MRPS14: variants seen among roughly 807,000 people sequenced by gnomAD.
MRPS14 encodes small ribosomal subunit protein uS14m.
MRPS14 carries 14 observed loss-of-function variants against 16.4 expected under a neutral mutation model. That is an observed-to-expected ratio of 0.85 (90% CI 0.56 to 1.33). The LOEUF (loss-of-function observed/expected upper bound fraction) is 1.33, where lower values mean the gene tolerates loss of function less well. Among genes scored for constraint, MRPS14 ranks in the 40% most tolerant of loss-of-function variants. MRPS14 has a pLI of 0.00. For missense variants in MRPS14, 162 were observed against 176.8 expected (o/e 0.92, Z 0.48); for synonymous variants, 54 against 61.9 (o/e 0.87, Z 0.60).
Position 175,013,167 on chromosome 1 carries a change from C to A in MRPS14, c.*1502G>T, listed in dbSNP as rs1452139791. 1.3e-5 allele frequency: 2 copies of A among 152,098 alleles called. No individual in the cohort carries two copies. The highest frequency in any genetic ancestry group is 2.9e-5 in the Non-Finnish European group (2 of 68,014). The allele number at this position is 152,098 out of a possible 1,614,324, so 9.4% of individuals were successfully genotyped here. ...TCATACATATTTAAGAAATATGAAT[C>A]CAAACTAGATTGTGATAATTCCCTC... On this transcript the variant is annotated 3_prime_UTR_variant, in exon 3 of 3. Coordinates refer to ENST00000476371, the MANE Select transcript of MRPS14 (RefSeq NM_022100.3).
intron 1 of MRPS14, among the ~76,000 whole-genome samples, chr1:175,020,364 A>G (rs1227459296): frequency 1.3e-5 from 2 of 152,254 alleles, no homozygotes; most frequent in East Asian, 3.8e-4. Context: ...GGAGATTTAG[A>G]AAACAAGATT....
At chr1:175,021,200 T>A (rs919233661) in intron 1 of MRPS14, among the ~76,000 whole-genome samples, 2 of 152,182 alleles carry the variant, frequency 1.3e-5, no homozygotes, top group African/African-American at 4.8e-5. Flanking sequence ...TTGGGCTTAC[T>A]ACCTTCCACT....
At chr1:175,016,132 T>C (rs1339485264) in intron 2 of MRPS14, among the ~76,000 whole-genome samples, 1 of 150,448 alleles carries the variant, frequency 6.6e-6, no homozygotes, top group Admixed American at 6.6e-5. Flanking sequence ...AGGAGGCAGA[T>C]GTGGTGAGCC....
In MRPS14 at chr1:175,013,858, G is replaced by C. The variant is rs1672832120; in HGVS notation, c.*811C>G. ...AAAAAAATCTCACCCCTCACCTCCT[G>C]ATTTATTAAGTTCTCCAGGAATATT... On this transcript the variant is annotated 3_prime_UTR_variant, in exon 3 of 3. Transcript: ENST00000476371. 1 of 152,096 alleles carries C rather than the reference G, an allele frequency of 6.6e-6. No homozygotes were observed. The highest frequency in any genetic ancestry group is 1.5e-5 in the Non-Finnish European group (1 of 68,020). The allele number at this position is 152,096 out of a possible 1,614,324, so 9.4% of individuals were successfully genotyped here.
At chr1:175,014,878 A>G (rs368728449) in intron 2 of MRPS14, 27 bp from the exon 3 acceptor site, 73 of 1,599,522 alleles carry the variant, frequency 4.6e-5, no homozygotes, top group Non-Finnish European at 6.0e-5. Flanking sequence ...TATTACACAG[A>G]TCACATTACA....
rs61753789 is a variant in MRPS14 at position 175,018,514 on chromosome 1, G to A, written c.108C>T (p.Arg36=). 5.0e-4 allele frequency: 806 copies of A among 1,612,474 alleles called. 5 individuals carry two copies. In the African/African-American group the frequency reaches 9.4e-3, roughly 19 times the overall value. The change falls in exon 2 of 3, where the codon CGC becomes CGT. Residue 36 remains arginine (R), a synonymous_variant. Coordinates refer to ENST00000476371, the MANE Select transcript of MRPS14 (RefSeq NM_022100.3). ...AGGCCATTTTTCGTCTCTTCACATCGCGCCACATTCTCCAGTCTACATAGT... is the reference window on the plus strand; with the variant it reads ...AGGCCATTTTTCGTCTCTTCACATCACGCCACATTCTCCAGTCTACATAGT... ...RSHYVDWRMW[R]DVKRRKMAYE...
At position 175,014,372 on chromosome 1, in the gene MRPS14, A is replaced by G. The variant is rs1287019515; in HGVS notation, c.*297T>C. ...AATACAAAAACCCCTATATGTTACT[A>G]AAAGATTAAACTTAAAAGGAGGGTA... On this transcript the variant is annotated 3_prime_UTR_variant, in exon 3 of 3. Coordinates refer to ENST00000476371, the MANE Select transcript of MRPS14 (RefSeq NM_022100.3). 4.9e-6 allele frequency: 2 copies of G among 412,356 alleles called. No homozygotes were observed. The highest frequency in any genetic ancestry group is 8.5e-6 in the Non-Finnish European group (2 of 235,014). The allele number at this position is 412,356 out of a possible 1,614,324, so 25.5% of individuals were successfully genotyped here. A position where few individuals can be genotyped will look rare whatever the true frequency, so the allele number is the denominator to read the frequency against.
chr1:175,017,584 C>T (rs891992726), intron 2 of MRPS14, among the ~76,000 whole-genome samples: 2 of 152,132 alleles, frequency 1.3e-5, no homozygotes, highest in African/African-American at 4.8e-5. Context: ...ATTTATATCT[C>T]CCTGATGAGC....
rs761449663 is a variant in MRPS14, at chr1:175,023,386, G to T, written c.23C>A (p.Ser8Ter). 6.2e-6 allele frequency: 10 copies of T among 1,614,186 alleles called. No homozygotes were observed. The highest frequency in any genetic ancestry group is 1.1e-5 in the South Asian group (1 of 91,072). Reference protein sequence around the residue: MAAFMLGSLLRTFKQMVP... With the variant: MAAFMLG ...GACCTGCTTGAACGTCCGCAGCAGCGAGCCCAGCATGAAGGCCGCCATGTT... is the reference window on the plus strand; with the variant it reads ...GACCTGCTTGAACGTCCGCAGCAGCTAGCCCAGCATGAAGGCCGCCATGTT... Residue 8 changes from serine to a stop codon, truncating the protein, a stop_gained, in exon 1 of 3, where the codon TCG becomes TAG. Transcript: ENST00000476371. LOFTEE classifies it high-confidence loss of function.
At chr1:175,018,709 A>G in intron 1 of MRPS14, 133 bp from the exon 2 acceptor site, 1 of 726,002 alleles carries the variant, frequency 1.4e-6, no homozygotes, top group East Asian at 3.0e-5. Flanking sequence ...GATCAGTTTA[A>G]TAGTTTAAGA....
At chr1:175,018,310 T>C (rs1307693449) in intron 2 of MRPS14, 108 bp downstream of exon 2, 4 of 1,107,124 alleles carry the variant, frequency 3.6e-6, no homozygotes, top group Non-Finnish European at 5.1e-6. Context: ...GTGGATCTTA[T>C]TCTCCAGAAA....
At chr1:175,022,432 A>G (rs1029929272) in intron 1 of MRPS14, 2 of 147,056 alleles carry the variant, frequency 1.4e-5, no homozygotes, top group Non-Finnish European at 3.0e-5. Flanking sequence ...AAGACCCCAT[A>G]GCCTCTCTCT....
chr1:175,021,425 T>C (rs577219630), intron 1 of MRPS14, among the ~76,000 whole-genome samples: 12 of 152,342 alleles, frequency 7.9e-5, no homozygotes, highest in African/African-American at 2.9e-4. Flanking sequence ...AACTATTCAA[T>C]TCCATGCCCA....
intron 2 of MRPS14, among the ~76,000 whole-genome samples, chr1:175,016,670 A>C (rs569634422): frequency 6.6e-6 from 1 of 152,318 alleles, no homozygotes; most frequent in East Asian, 1.9e-4. Flanking sequence ...TATAGTTGAC[A>C]AATAAAAATT....
At position 175,014,691 on chromosome 1, in the gene MRPS14, C is replaced by T; in HGVS notation, c.365G>A (p.Gly122Glu). ...CATTTACCATGTCGCTCGCTGGATCCCAGAAAGTTGCCCATGGTCAGCTAA... is the reference window on the plus strand; with the variant it reads ...CATTTACCATGTCGCTCGCTGGATCTCAGAAAGTTGCCCATGGTCAGCTAA... ...RHLADHGQLS[G>E]IQRATW Residue 122 changes from glycine (G) to glutamate (E), a missense_variant, in exon 3 of 3, where the codon GGG becomes GAG. Transcript: ENST00000476371. 2 of 1,612,036 alleles carry T rather than the reference C, an allele frequency of 1.2e-6. No homozygotes were observed. Among genetic ancestry groups the T allele is most frequent in the Non-Finnish European group, 1.7e-6 (2 of 1,179,214 alleles).
intron 1 of MRPS14, 117 bp from the exon 2 acceptor site, chr1:175,018,693 G>GTT: frequency 1.1e-6 from 1 of 951,934 alleles, no homozygotes; most frequent in East Asian, 2.7e-5. Flanking sequence ...TTTAAGAGTT[G>GTT]TTTTAGATCA....
intron 1 of MRPS14, among the ~76,000 whole-genome samples, chr1:175,019,827 G>A (rs10465483): frequency 0.64 from 96,706 of 152,070 alleles, 32,398 homozygotes; most frequent in African/African-American, 0.85. Context: ...TGTTAATTAA[G>A]CTGCCCCTAT....
chr1:175,014,788 G>C lies in MRPS14; in HGVS notation c.268C>G (p.Arg90Gly), dbSNP rs1414068648. The change falls in exon 3 of 3, where the codon CGG (arginine) becomes GGG (glycine). Residue 90 changes from arginine (R) to glycine (G), a missense_variant. Physicochemically the swap from Arg to Gly is moderately radical, Grantham distance 125 (BLOSUM62 -2). Coordinates refer to ENST00000476371, the MANE Select transcript of MRPS14 (RefSeq NM_022100.3). Reference sequence around the variant, plus strand: ...CGCGGACGGGACGTCATAACACACCGATTTCTGATTCTAACAGGACAGCTA... The same window carrying C: ...CGCGGACGGGACGTCATAACACACCCATTTCTGATTCTAACAGGACAGCTA... The part of the protein sequence containing the change: ...RDSCPVRIRN[R>G]CVMTSRPRGV... 6.2e-7 allele frequency: 1 copy of C among 1,613,968 alleles called. No homozygotes were observed. The highest frequency in any genetic ancestry group is 8.5e-7 in the Non-Finnish European group (1 of 1,180,032).
chr1:175,013,277 C>G lies in MRPS14; in HGVS notation c.*1392G>C, dbSNP rs1453181983. The G allele has an allele frequency of 6.6e-6, 1 of 152,202 alleles. No homozygotes were observed. The highest frequency in any genetic ancestry group is 1.5e-5 in the Non-Finnish European group (1 of 68,048). The allele number at this position is 152,202 out of a possible 1,614,324, so 9.4% of individuals were successfully genotyped here. On this transcript the variant is annotated 3_prime_UTR_variant, in exon 3 of 3. Transcript: ENST00000476371. ...CAGATGACACAGGCATCTCCAACAC[C>G]GCATGACTGGAACCTGAACTCGCTT...
Sources: allele counts gnomAD v4.1 joint callset (sites outside exome capture counted in the v4.1 genomes callset), GRCh38; gene constraint gnomAD v4.1.1; transcripts MANE v1.5; gene names NCBI Gene and HGNC (gene_info 2026-07-23, HGNC 2026-07-21).